The following TYMP variants were observed in gnomAD, a reference collection of about 807,000 sequenced individuals.
TYMP encodes gliostatin.
In TYMP, 46 loss-of-function variants were observed where a neutral mutation model predicts 42.3. The observed-to-expected ratio is 1.09, with a 90% CI of 0.86 to 1.39. The LOEUF is 1.39. Ranked by LOEUF, TYMP falls within the 40% of genes most tolerant of loss-of-function variation. TYMP has a pLI of 0.00. For missense variants in TYMP, 837 were observed against 677.6 expected (o/e 1.24, Z -2.61); for synonymous variants, 363 against 308.0 (o/e 1.18, Z -1.87).
In TYMP at chr22:50,529,341, G is replaced by A. The variant is rs752371734; in HGVS notation, c.215-3C>T. 1 of 1,612,972 alleles carries A rather than the reference G, an allele frequency of 6.2e-7. No individual in the cohort carries two copies. Among genetic ancestry groups the A allele is most frequent in the East Asian group, 2.2e-5 (1 of 44,874 alleles). On this transcript the variant is annotated splice_polypyrimidine_tract_variant and splice_region_variant and intron_variant, in intron 2 of 9. Coordinates refer to ENST00000252029, the MANE Select transcript of TYMP (RefSeq NM_001953.5). ...TCGGATGGCCATCAGCATGGCCCCT[G>A]GTATGTGGGGGTACGCGTGAGGGTG...
Position 50,526,577 on chromosome 22 carries a change from G to T in TYMP, c.927C>A (p.Leu309=). Residue 309 remains leucine (L), a splice_region_variant and synonymous_variant, in exon 7 of 10, where the codon CTC becomes CTA. Transcript: ENST00000252029. The stretch of plus-strand genomic sequence containing the variant: ...TCCCCTACACCCCGTCCCCCTCACC[G>T]AGCGTGGTGACCAGGTCCCTTAAGT... ...PPDLRDLVTT[L]GGALLWLSGH... is the part of the protein sequence containing the mutation. 6.4e-7 allele frequency: 1 copy of T among 1,560,158 alleles called. No homozygotes were observed.
In TYMP at chr22:50,529,147, A is replaced by G; in HGVS notation, c.406T>C (p.Cys136Arg). ...SLVLAPALAACGCKVPMISGR... is the reference protein window; with the variant it reads ...SLVLAPALAARGCKVPMISGR... ...AGGTGGTTTCTAACCTTGCAGCCAC[A>G]TGCCGCCAGGGCAGGTGCGAGGACC... Residue 136 changes from cysteine (C) to arginine (R), a missense_variant, in exon 3 of 10, where the codon TGT becomes CGT. Coordinates refer to ENST00000252029, the MANE Select transcript of TYMP (RefSeq NM_001953.5). 17 of 1,613,164 alleles carry G rather than the reference A, an allele frequency of 1.1e-5. No homozygotes were observed. Among genetic ancestry groups the G allele is most frequent in the Non-Finnish European group, 1.4e-5 (17 of 1,180,000 alleles).
chr22:50,528,373 C>T (rs2069470262), intron 4 of TYMP, 139 bp downstream of exon 4: 7 of 789,164 alleles, frequency 8.9e-6, no homozygotes, highest in Non-Finnish European at 1.3e-5. Flanking sequence ...TGATTTCGGC[C>T]CAGGCCCAGT....
At position 50,529,942 on chromosome 22, in the gene TYMP, C is replaced by G; in HGVS notation, c.-49G>C. The stretch of plus-strand genomic sequence containing the variant: ...TGCCCTCGCCCGCTTGCTCCGGATC[C>G]CAGCCCAGGTACCCGGCCTCGCCCG... On this transcript the variant is annotated 5_prime_UTR_variant, in exon 1 of 10. Coordinates refer to ENST00000252029, the MANE Select transcript of TYMP (RefSeq NM_001953.5). The G allele has an allele frequency of 6.8e-6, 4 of 588,764 alleles. No homozygotes were observed. In the South Asian group the frequency reaches 8.2e-5, roughly 12 times the overall value. 36.5% of individuals were successfully genotyped at this position (588,764 alleles called of 1,614,324 possible). A position where few individuals can be genotyped will look rare whatever the true frequency, so the allele number is the denominator to read the frequency against.
chr22:50,529,841 G>C (rs912519838), intron 1 of TYMP, 63 bp downstream of exon 1: 4 of 851,800 alleles, frequency 4.7e-6, no homozygotes, highest in Admixed American at 2.7e-5. Context: ...TCCCGTGTCT[G>C]TGTCGCCCTC....
chr22:50,527,714 G>C lies in TYMP; in HGVS notation c.520C>G (p.Gln174Glu). ...FNVIQSPEQM[Q>E]VLLDQAGCCI... Reference sequence around the variant, plus strand: ...CAGCCCGCCTGGTCCAGCAGCACTTGCATCTGGTCAGACATCCCCTGTTCT... The same window carrying C: ...CAGCCCGCCTGGTCCAGCAGCACTTCCATCTGGTCAGACATCCCCTGTTCT... The change falls in exon 5 of 10, where the codon CAA (glutamine) becomes GAA (glutamate). Residue 174 changes from glutamine to glutamate, a missense_variant. By Grantham distance (29) the Gln-to-Glu change is conservative (BLOSUM62 2). Transcript: ENST00000252029. 1 of 1,611,752 alleles carries C rather than the reference G, an allele frequency of 6.2e-7. No homozygotes were observed. The highest frequency in any genetic ancestry group is 1.3e-5 in the African/African-American group (1 of 74,492).
Position 50,525,904 on chromosome 22 carries a change from G to C in TYMP, c.1315C>G (p.Arg439Gly). Residue 439 changes from arginine to glycine, a missense_variant, in exon 10 of 10, where the codon CGC becomes GGC. Arg to Gly is a moderately radical substitution (Grantham distance 125, BLOSUM62 -2). Coordinates refer to ENST00000252029, the MANE Select transcript of TYMP (RefSeq NM_001953.5). ...QRLRRGTPWL[R>G]VHRDGPALSG... ...AGCGCGGGGCCGTCCCGGTGCACGCGGAGCCAGGGGGTCCCTGCAGAGCGA... is the reference window on the plus strand; with the variant it reads ...AGCGCGGGGCCGTCCCGGTGCACGCCGAGCCAGGGGGTCCCTGCAGAGCGA... 6.5e-7 allele frequency: 1 copy of C among 1,546,906 alleles called. No individual in the cohort carries two copies. The highest frequency in any genetic ancestry group is 8.7e-7 in the Non-Finnish European group (1 of 1,148,694).
intron 4 of TYMP, 50 bp from the exon 5 acceptor site, chr22:50,527,767 GCTTTTTTTT>G: frequency 1.6e-6 from 2 of 1,289,568 alleles, no homozygotes; most frequent in Non-Finnish European, 2.1e-6. Context: ...TGACTTAGCA[GCTTTTTTTT>G]TTTTTTTTTT....
rs1171575447 is a variant in TYMP at position 50,527,282 on chromosome 22, G to A, written c.648C>T (p.Ala216=). 18 of 1,610,614 alleles carry A rather than the reference G, an allele frequency of 1.1e-5. No homozygotes were observed. Among genetic ancestry groups the A allele is most frequent in the Non-Finnish European group, 1.4e-5 (17 of 1,177,308 alleles). ...CCACGAGTTTCTTACTGAGAATGGA[G>A]GCTTTGGGGGAGGCAGAGGAGGTTG... ...ATVDSLPLIT[A]SILSKKLVEG... Residue 216 remains alanine, a splice_region_variant and synonymous_variant, in exon 6 of 10, where the codon GCC becomes GCT. Transcript: ENST00000252029.
Position 50,525,786 on chromosome 22 carries a change from A to G in TYMP, c.1433T>C (p.Leu478Pro). 2 of 1,610,918 alleles carry G rather than the reference A, an allele frequency of 1.2e-6. No individual in the cohort carries two copies. Among genetic ancestry groups the G allele is most frequent in the South Asian group, 2.2e-5 (2 of 91,036 alleles). ...AAPSPFAELV[L>P]PPQQ ...AAAGGAGCTTTATTGCTGCGGCGGC[A>G]GAACGAGCTCTGCGAAGGGCGAGGG... is the stretch of plus-strand genomic sequence containing the variant. The change falls in exon 10 of 10, where the codon CTG (leucine) becomes CCG (proline). Residue 478 changes from leucine (L) to proline (P), a missense_variant. Transcript: ENST00000252029.
At chr22:50,528,996 G>T in intron 3 of TYMP, 140 bp downstream of exon 3, 2 of 847,238 alleles carry the variant, frequency 2.4e-6, no homozygotes, top group Non-Finnish European at 3.8e-6. Flanking sequence ...GGAGAACTGT[G>T]CTGGGGAGCA....
At chr22:50,527,476 G>A (rs749618576) in intron 5 of TYMP, 112 bp downstream of exon 5, 16 of 1,543,154 alleles carry the variant, frequency 1.0e-5, no homozygotes, top group East Asian at 2.2e-5. Context: ...TGTGATGGGG[G>A]TAGGGGGGCA....
chr22:50,528,246 C>A (rs2069466544), intron 4 of TYMP: 1 of 527,324 alleles, frequency 1.9e-6, no homozygotes, highest in Admixed American at 2.9e-5. Flanking sequence ...TTCAAGGGAT[C>A]TGCCCTCTTC....
intron 6 of TYMP, 113 bp from the exon 7 acceptor site, chr22:50,526,851 T>G (rs1300138099): frequency 3.5e-6 from 4 of 1,148,786 alleles, no homozygotes; most frequent in Non-Finnish European, 4.9e-6. Context: ...CAGCATGAAG[T>G]CAGGGAAGGA....
At position 50,529,147 on chromosome 22, in the gene TYMP, A is replaced by C. The variant is rs2069497761; in HGVS notation, c.406T>G (p.Cys136Gly). 2.5e-6 allele frequency: 4 copies of C among 1,613,164 alleles called. No individual in the cohort carries two copies. The East Asian group carries it at 8.9e-5, about 36-fold the overall frequency. ...SLVLAPALAA[C>G]GCKVPMISGR... ...AGGTGGTTTCTAACCTTGCAGCCAC[A>C]TGCCGCCAGGGCAGGTGCGAGGACC... Residue 136 changes from cysteine to glycine, a missense_variant, in exon 3 of 10, where the codon TGT becomes GGT. Coordinates refer to ENST00000252029, the MANE Select transcript of TYMP (RefSeq NM_001953.5).
rs1459239986 is a variant in TYMP at position 50,525,816 on chromosome 22, G to C, written c.1403C>G (p.Ala468Gly). 4 of 1,610,214 alleles carry C rather than the reference G, an allele frequency of 2.5e-6. No individual in the cohort carries two copies. In the African/African-American group the frequency reaches 5.3e-5, roughly 22 times the overall value. The change falls in exon 10 of 10, where the codon GCC becomes GGC. Residue 468 changes from alanine (A) to glycine (G), a missense_variant. Coordinates refer to ENST00000252029, the MANE Select transcript of TYMP (RefSeq NM_001953.5). ...GAGCTCTGCGAAGGGCGAGGGGGCG[G>C]CGAATGGCGCGCGGTCGGAGAGTAC... is the stretch of plus-strand genomic sequence containing the variant. ...ALVLSDRAPF[A>G]APSPFAELVL...
intron 6 of TYMP, 68 bp from the exon 7 acceptor site, chr22:50,526,806 T>TCCAGCCCCTGCTGCACCCTGGGTTG (rs1195358896): frequency 6.7e-6 from 10 of 1,487,214 alleles, no homozygotes; most frequent in African/African-American, 1.4e-5. Flanking sequence ...TTGGTCGAAC[T>TCCAGCCCCTGCTGCACCCTGGGTTG]CCAGCCCCTG....
At position 50,526,713 on chromosome 22, in the gene TYMP, A is replaced by C; in HGVS notation, c.791T>G (p.Leu264Arg). The C allele has an allele frequency of 6.5e-7, 1 of 1,539,126 alleles. No individual in the cohort carries two copies. The highest frequency in any genetic ancestry group is 2.0e-5 in the Admixed American group (1 of 51,108). ...TLVGVGASLGLRVAAALTAMD... is the reference protein window; with the variant it reads ...TLVGVGASLGRRVAAALTAMD... ...GGCGGTCAGCGCTGCCGCGACCCGA[A>C]GCCCTAGGCTGGCTCCCACGCCAAC... The change falls in exon 7 of 10, where the codon CTT becomes CGT. Residue 264 changes from leucine to arginine, a missense_variant. By Grantham distance (102) the Leu-to-Arg change is moderately radical. Coordinates refer to ENST00000252029, the MANE Select transcript of TYMP (RefSeq NM_001953.5).
At chr22:50,529,041 T>G in intron 3 of TYMP, 95 bp downstream of exon 3, 1 of 1,326,488 alleles carries the variant, frequency 7.5e-7, no homozygotes, top group Non-Finnish European at 1.1e-6. Context: ...TCTTGGAGGC[T>G]TTGGGCCAGG....
Sources: allele counts gnomAD v4.1 joint callset, GRCh38; gene constraint gnomAD v4.1.1; transcripts MANE v1.5; gene names NCBI Gene and HGNC (gene_info 2026-07-23, HGNC 2026-07-21).